Variants in ZNRF1 observed in about 807,000 individuals in gnomAD.
ZNRF1 encodes zinc and ring finger 1.
ZNRF1 carries 3 observed loss-of-function variants against 18.4 expected under a neutral mutation model. The observed-to-expected ratio is 0.16, with a 90% CI of 0.07 to 0.42. ZNRF1 has a LOEUF of 0.42. Ranked by LOEUF, ZNRF1 falls within the 10% of genes least tolerant of loss-of-function variation. The probability of loss-of-function intolerance (pLI) is 0.99; values close to 1 mark genes in which losing one functional copy is unlikely to be tolerated. For synonymous variants in ZNRF1, 157 were observed against 144.2 expected, an observed-to-expected ratio of 1.09 and a Z score of -0.64; for missense variants, 310 against 329.8, an observed-to-expected ratio of 0.94 and a Z score of 0.47.
intron 1 of ZNRF1, among the ~76,000 whole-genome samples, chr16:75,047,889 G>A (rs541963715): frequency 2.0e-5 from 3 of 152,054 alleles, no homozygotes; most frequent in Admixed American, 6.6e-5. Flanking sequence ...CTTGCAGATG[G>A]TGGTCTTCTC....
chr16:75,078,715 GA>G (rs1170914946), intron 1 of ZNRF1, among the ~76,000 whole-genome samples: 1 of 152,236 alleles, frequency 6.6e-6, no homozygotes, highest in Non-Finnish European at 1.5e-5. Context: ...TCTTCAAGGT[GA>G]AAAGTCAAAA....
At chr16:75,046,366 C>T (rs930325776) in intron 1 of ZNRF1, among the ~76,000 whole-genome samples, 2 of 152,042 alleles carry the variant, frequency 1.3e-5, no homozygotes, top group East Asian at 1.9e-4. Context: ...ATTCTCGTAC[C>T]TCAGCCTCCC....
intron 1 of ZNRF1, among the ~76,000 whole-genome samples, chr16:75,050,870 CA>C (rs1165011147): frequency 8.7e-4 from 8 of 9,244 alleles, no homozygotes; most frequent in African/African-American, 1.4e-3. Flanking sequence ...GACTCCGTCT[CA>C]AAAAAAAAAA....
intron 2 of ZNRF1, 23 bp from the exon 3 acceptor site, chr16:75,104,761 A>T (rs754218173): frequency 1.3e-6 from 2 of 1,575,156 alleles, no homozygotes; most frequent in Middle Eastern, 2.0e-4. Flanking sequence ...ACCCTCCTGC[A>T]CTCTCCCCTG....
intron 1 of ZNRF1, among the ~76,000 whole-genome samples, chr16:75,040,021 T>TTTTG (rs1161337613): frequency 8.7e-5 from 13 of 149,670 alleles, no homozygotes; most frequent in African/African-American, 2.4e-4. Context: ...CACTAAAATC[T>TTTTG]TTTGTTTCTT....
intron 2 of ZNRF1, among the ~76,000 whole-genome samples, chr16:75,096,061 CGTGTGTGTGTGT>C (rs56013949): frequency 2.3e-4 from 32 of 139,750 alleles, no homozygotes; most frequent in South Asian, 7.0e-4. Flanking sequence ...TATGTGTGCA[CGTGTGTGTGTGT>C]GTGTGTGTGT....
chr16:75,068,873 C>CTT (rs112384068), intron 1 of ZNRF1, among the ~76,000 whole-genome samples: 1 of 147,508 alleles, frequency 6.8e-6, no homozygotes, highest in African/African-American at 2.5e-5. Flanking sequence ...TTGTCTGAGT[C>CTT]TTTTTTTTTT....
At chr16:75,104,704 G>C in intron 2 of ZNRF1, 80 bp from the exon 3 acceptor site, 1 of 1,293,650 alleles carries the variant, frequency 7.7e-7, no homozygotes, top group Non-Finnish European at 1.1e-6. Context: ...CAGTCCCCTA[G>C]TTCCTAGGCC....
At chr16:75,104,636 C>T (rs1419146112) in intron 2 of ZNRF1, 148 bp from the exon 3 acceptor site, 7 of 601,952 alleles carry the variant, frequency 1.2e-5, no homozygotes, top group Admixed American at 3.1e-5. Flanking sequence ...TTAAGGTCAA[C>T]GTCCCTCTTG....
In ZNRF1 at chr16:75,066,713, A is replaced by G. The variant is rs187804684; in HGVS notation, c.425-26859A>G. Reference sequence around the variant, plus strand: ...GAGATGGGGTTTCACCATGTTGACCAGGCTGGTCTCGAACTCCCAACCTCA... The same window carrying G: ...GAGATGGGGTTTCACCATGTTGACCGGGCTGGTCTCGAACTCCCAACCTCA... On this transcript the variant is annotated intron_variant, in intron 1 of 4. Transcript: ENST00000335325. Among the ~76,000 whole-genome samples, 38 of 152,234 alleles carry G rather than the reference A, an allele frequency of 2.5e-4. No homozygotes were observed. In the East Asian group the frequency reaches 7.4e-3, roughly 30 times the overall value.
chr16:75,088,571 G>A (rs944904342), intron 1 of ZNRF1, among the ~76,000 whole-genome samples: 2 of 152,210 alleles, frequency 1.3e-5, no homozygotes, highest in Non-Finnish European at 2.9e-5. Flanking sequence ...TAGTATTTCT[G>A]TTCTTTCTGC....
At chr16:75,094,802 T>G (rs1046729908) in intron 2 of ZNRF1, among the ~76,000 whole-genome samples, 4 of 152,184 alleles carry the variant, frequency 2.6e-5, no homozygotes, top group African/African-American at 9.7e-5. Flanking sequence ...ACCATGTTCA[T>G]CAGAAAACGG....
intron 1 of ZNRF1, among the ~76,000 whole-genome samples, chr16:75,036,901 A>C (rs145405742): frequency 6.6e-6 from 1 of 152,306 alleles, no homozygotes; most frequent in Non-Finnish European, 1.5e-5. Context: ...TGCTTGGACT[A>C]TGCAGCACTT....
intron 1 of ZNRF1, among the ~76,000 whole-genome samples, chr16:75,069,214 T>C (rs2035840124): frequency 6.6e-6 from 1 of 152,158 alleles, no homozygotes; most frequent in Non-Finnish European, 1.5e-5. Flanking sequence ...GCTTTGCACA[T>C]AGACATCTCC....
At chr16:75,012,699 G>A (rs905518848) in intron 1 of ZNRF1, among the ~76,000 whole-genome samples, 3 of 152,278 alleles carry the variant, frequency 2.0e-5, no homozygotes, top group African/African-American at 7.2e-5. Context: ...CCTAGCGTGA[G>A]TTTTAGCTGT....
intron 1 of ZNRF1, among the ~76,000 whole-genome samples, chr16:75,088,707 T>A (rs995055607): frequency 1.3e-5 from 2 of 152,220 alleles, no homozygotes; most frequent in Admixed American, 6.5e-5. Flanking sequence ...TTATGTAATC[T>A]TCTGAGCCTT....
At chr16:75,059,858 C>T (rs373704346) in intron 1 of ZNRF1, among the ~76,000 whole-genome samples, 1 of 152,166 alleles carries the variant, frequency 6.6e-6, no homozygotes, top group Non-Finnish European at 1.5e-5. Context: ...AAGTTACATT[C>T]TTTATGTTCC....
intron 1 of ZNRF1, among the ~76,000 whole-genome samples, chr16:75,082,225 C>T (rs993550512): frequency 2.0e-5 from 3 of 152,060 alleles, no homozygotes; most frequent in African/African-American, 7.2e-5. Context: ...GTCATTGGAC[C>T]ATCATGTCCC....
At chr16:75,012,456 G>C (rs562088695) in intron 1 of ZNRF1, among the ~76,000 whole-genome samples, 1 of 152,254 alleles carries the variant, frequency 6.6e-6, no homozygotes, top group East Asian at 1.9e-4. Context: ...TGGTCAGCTT[G>C]GTGCTTGGCA....
Sources: gnomAD v4.1 joint callset for allele counts (sites outside exome capture counted in the v4.1 genomes callset) on GRCh38, gnomAD v4.1.1 for gene constraint, MANE v1.5 for transcripts, NCBI Gene and HGNC (gene_info 2026-07-23, HGNC 2026-07-21) for gene names.